The following FAM81A variants were observed in gnomAD, a reference collection of about 807,000 sequenced individuals.
The protein encoded by FAM81A is family with sequence similarity 81 member A.
A neutral mutation model predicts 46.7 loss-of-function variants in FAM81A; 19 were observed. The ratio of observed to expected loss-of-function variants is 0.41; its 90% confidence interval spans 0.28 to 0.60. The LOEUF (loss-of-function observed/expected upper bound fraction) is 0.60. Ranked by LOEUF, FAM81A falls within the 20% of genes least tolerant of loss-of-function variation. The probability of loss-of-function intolerance (pLI) is 0.34; values close to 1 mark genes in which losing one functional copy is unlikely to be tolerated. For synonymous variants in FAM81A, 183 were observed against 152.9 expected (o/e 1.20, Z -1.45); for missense variants, 377 against 453.5 (o/e 0.83, Z 1.53).
At chr15:59,403,196 G>A (rs1372195948) in intron 2 of FAM81A, among the ~76,000 whole-genome samples, 7 of 152,048 alleles carry the variant, frequency 4.6e-5, no homozygotes, top group African/African-American at 4.8e-5. Flanking sequence ...TGAGAACTTC[G>A]GTTATGAAGT....
At chr15:59,417,775 A>AT (rs1208336979) in intron 2 of FAM81A, among the ~76,000 whole-genome samples, 4 of 151,954 alleles carry the variant, frequency 2.6e-5, no homozygotes, top group South Asian at 2.1e-4. Flanking sequence ...TATCCCTTTT[A>AT]TTTTTTTTAT....
At chr15:59,414,174 G>A (rs2081135463) in intron 2 of FAM81A, among the ~76,000 whole-genome samples, 1 of 152,086 alleles carries the variant, frequency 6.6e-6, no homozygotes, top group African/African-American at 2.4e-5. Context: ...GGCTCATCTT[G>A]AGCTCCTGGC....
At chr15:59,458,674 T>G in intron 2 of FAM81A, 28 bp downstream of exon 2, 1 of 1,588,668 alleles carries the variant, frequency 6.3e-7, no homozygotes. Context: ...ACTCATCCCA[T>G]GGGGGCTGCT....
intron 2 of FAM81A, among the ~76,000 whole-genome samples, chr15:59,414,761 T>A (rs8034752): frequency 6.6e-6 from 1 of 152,104 alleles, no homozygotes; most frequent in Non-Finnish European, 1.5e-5. Flanking sequence ...AGCAAACTGG[T>A]GTATTTAGCG....
At chr15:59,423,380 G>C (rs549057352) in intron 2 of FAM81A, among the ~76,000 whole-genome samples, 1 of 152,366 alleles carries the variant, frequency 6.6e-6, no homozygotes, top group African/African-American at 2.4e-5. Flanking sequence ...TTACAGGCGT[G>C]AGCCATCGCG....
At chr15:59,504,245 A>G (rs1271022855) in intron 4 of FAM81A, among the ~76,000 whole-genome samples, 3 of 152,254 alleles carry the variant, frequency 2.0e-5, no homozygotes, top group Non-Finnish European at 4.4e-5. Context: ...TACATTTGGC[A>G]TTATTTTTAA....
chr15:59,435,012 G>T (rs1213329150), upstream of FAM81A, among the ~76,000 whole-genome samples: 2 of 152,188 alleles, frequency 1.3e-5, no homozygotes, highest in Non-Finnish European at 2.9e-5. Flanking sequence ...ATTTCAGCCG[G>T]GCTTGGTGGC....
chr15:59,462,906 A>G (rs2081569893), intron 3 of FAM81A, among the ~76,000 whole-genome samples: 1 of 152,178 alleles, frequency 6.6e-6, no homozygotes, highest in African/African-American at 2.4e-5. Flanking sequence ...TATGTAGTTT[A>G]GATACAAGTC....
At chr15:59,517,076 C>T (rs2082275361) in intron 8 of FAM81A, among the ~76,000 whole-genome samples, 1 of 152,030 alleles carries the variant, frequency 6.6e-6, no homozygotes, top group African/African-American at 2.4e-5. Context: ...AATTGCTTAG[C>T]CTGCAACTGA....
chr15:59,449,263 G>A (rs2141607608), intron 1 of FAM81A, among the ~76,000 whole-genome samples: 1 of 152,138 alleles, frequency 6.6e-6, no homozygotes, highest in South Asian at 2.1e-4. Flanking sequence ...TTTTTTTTAA[G>A]TGGGGGCAAG....
intron 4 of FAM81A, among the ~76,000 whole-genome samples, chr15:59,494,153 A>G (rs1215097792): frequency 6.6e-6 from 1 of 152,238 alleles, no homozygotes; most frequent in Non-Finnish European, 1.5e-5. Context: ...GGATGAAGAA[A>G]TGACCTGGAA....
chr15:59,476,062 C>G (rs866747505), intron 3 of FAM81A, among the ~76,000 whole-genome samples: 5 of 152,212 alleles, frequency 3.3e-5, no homozygotes, highest in South Asian at 2.1e-4. Context: ...TGTAGATGGT[C>G]GTCTTTTCGT....
chr15:59,501,113 G>A (rs1425773875), intron 4 of FAM81A, among the ~76,000 whole-genome samples: 1 of 152,036 alleles, frequency 6.6e-6, no homozygotes, highest in Middle Eastern at 3.2e-3. Context: ...AGCCCTCTAA[G>A]CTTGTTTTTG....
Position 59,508,975 on chromosome 15 carries a change from C to T in FAM81A, c.650+6C>T. The T allele has an allele frequency of 1.3e-6, 2 of 1,596,160 alleles. No homozygotes were observed. The highest frequency in any genetic ancestry group is 2.3e-5 in the South Asian group (2 of 88,328). On this transcript the variant is annotated splice_donor_region_variant and intron_variant, in intron 6 of 8. Transcript: ENST00000288228. ...CTTCAGCTTTTGGACACTAAGTAAGCAATCAATTTATTAAAAAAATAAAAC... is the reference window on the plus strand; with the variant it reads ...CTTCAGCTTTTGGACACTAAGTAAGTAATCAATTTATTAAAAAAATAAAAC...
At chr15:59,473,134 C>T (rs1244176645) in intron 3 of FAM81A, among the ~76,000 whole-genome samples, 1 of 152,188 alleles carries the variant, frequency 6.6e-6, no homozygotes, top group Non-Finnish European at 1.5e-5. Flanking sequence ...AGGTTCCCAT[C>T]CCCTCAACCA....
At chr15:59,403,013 C>A (rs181857304) in intron 2 of FAM81A, among the ~76,000 whole-genome samples, 1 of 151,506 alleles carries the variant, frequency 6.6e-6, no homozygotes, top group East Asian at 1.9e-4. Flanking sequence ...GGGTTATTGC[C>A]GATGTAGAGG....
At chr15:59,501,665 C>T (rs2082092244) in intron 4 of FAM81A, among the ~76,000 whole-genome samples, 1 of 152,132 alleles carries the variant, frequency 6.6e-6, no homozygotes, top group African/African-American at 2.4e-5. Flanking sequence ...GACTTCTGAC[C>T]ACCAGTGATT....
chr15:59,449,736 C>A (rs1201718659), intron 1 of FAM81A, among the ~76,000 whole-genome samples: 1 of 122,810 alleles, frequency 8.1e-6, no homozygotes, highest in Non-Finnish European at 1.6e-5. Flanking sequence ...GAGCCGAGAT[C>A]GCGCCACTGC....
chr15:59,499,559 A>T (rs1016351021), intron 4 of FAM81A, among the ~76,000 whole-genome samples: 4 of 152,086 alleles, frequency 2.6e-5, no homozygotes, highest in Non-Finnish European at 5.9e-5. Context: ...AGCCTGACAG[A>T]CTTCGTTTGG....
Sources: gnomAD v4.1 joint callset for allele counts (sites outside exome capture counted in the v4.1 genomes callset) on GRCh38, gnomAD v4.1.1 for gene constraint, MANE v1.5 for transcripts, NCBI Gene and HGNC (gene_info 2026-07-23, HGNC 2026-07-21) for gene names.